SREBF1: variants seen among roughly 807,000 people sequenced by gnomAD.
The protein encoded by SREBF1 is sterol regulatory element-binding protein 1.
A neutral mutation model predicts 100.1 loss-of-function variants in SREBF1; 45 were observed. The observed-to-expected ratio is 0.45, with a 90% confidence interval of 0.35 to 0.58. SREBF1 has a LOEUF of 0.58. Among genes scored for constraint, SREBF1 ranks in the 20% least tolerant of loss-of-function variants. SREBF1 has a pLI of 0.00. For synonymous variants in SREBF1, 657 were observed against 681.8 expected (o/e 0.96, Z 0.57); for missense variants, 1,324 against 1,539.4 (o/e 0.86, Z 2.34).
Position 17,811,770 on chromosome 17 carries a change from G to T in SREBF1, c.*852C>A, listed in dbSNP as rs973462113. 4.4e-6 allele frequency: 2 copies of T among 454,672 alleles called. No homozygotes were observed. Among genetic ancestry groups the T allele is most frequent in the Non-Finnish European group, 4.4e-6 (1 of 226,238 alleles). 28.2% of individuals were successfully genotyped at this position (454,672 alleles called of 1,614,324 possible). A position where few individuals can be genotyped will look rare whatever the true frequency, so the allele number is the denominator to read the frequency against. ...GTCCTGGAAGTCAGTCCATCCTCCC[G>T]TGCCACCCAGGGACCTGATGGGGAC... On this transcript the variant is annotated 3_prime_UTR_variant, in exon 19 of 19. Transcript: ENST00000261646.
chr17:17,829,191 T>TAAAAAAAAAAAAAAAAAAA (rs1253225038), intron 1 of SREBF1, among the ~76,000 whole-genome samples: 2 of 44,964 alleles, frequency 4.4e-5, no homozygotes, highest in African/African-American at 2.4e-4. Flanking sequence ...GACTCCATCT[T>TAAAAAAAAAAAAAAAAAAA]AAAAAAAAAA....
intron 1 of SREBF1, among the ~76,000 whole-genome samples, chr17:17,825,603 CTTTTT>C (rs60178339): frequency 1.1e-5 from 1 of 92,554 alleles, no homozygotes. Context: ...TGGCCAATTT[CTTTTT>C]TTTTTTTTTT....
chr17:17,819,291 C>A (rs748527487), intron 4 of SREBF1, 29 bp downstream of exon 4: 1 of 1,613,658 alleles, frequency 6.2e-7, no homozygotes, highest in South Asian at 1.1e-5. Context: ...GTAGACCCCA[C>A]TCCCTTATGC....
At chr17:17,833,479 A>G (rs2035034942) in intron 1 of SREBF1, among the ~76,000 whole-genome samples, 1 of 145,890 alleles carries the variant, frequency 6.9e-6, no homozygotes. Flanking sequence ...ATATATACAC[A>G]CACACATACA....
In SREBF1 at chr17:17,819,674, G is replaced by T; in HGVS notation, c.575C>A (p.Ser192Tyr). ...QQPLPGLPLA[S>Y]PPGVPPVSLH... is the part of the protein sequence containing the mutation. ...GGAGACGGGCGGGACCCCTGGCGGG[G>T]AAGCCAGTGGCAGGCCAGGCAGCGG... The change falls in exon 3 of 19, where the codon TCC becomes TAC. Residue 192 changes from serine (S) to tyrosine (Y), a missense_variant. Ser to Tyr is a moderately radical substitution (Grantham distance 144). Transcript: ENST00000261646. The T allele has an allele frequency of 6.2e-7, 1 of 1,610,876 alleles. No homozygotes were observed.
chr17:17,833,074 G>C (rs187743101), intron 1 of SREBF1, among the ~76,000 whole-genome samples: 123 of 152,162 alleles, frequency 8.1e-4, no homozygotes, highest in African/African-American at 2.7e-3. Flanking sequence ...CTGTTGACAT[G>C]GAACCAAGCA....
intron 1 of SREBF1, among the ~76,000 whole-genome samples, chr17:17,821,152 T>TACACAC (rs60948138): frequency 0.34 from 51,320 of 149,326 alleles, 10,889 homozygotes; most frequent in Non-Finnish European, 0.5. Flanking sequence ...TCCACACACA[T>TACACAC]ACACACACAC....
At chr17:17,833,450 A>AAAAT (rs1567995797) in intron 1 of SREBF1, among the ~76,000 whole-genome samples, 23 of 47,502 alleles carry the variant, frequency 4.8e-4, no homozygotes, top group Non-Finnish European at 5.9e-4. Flanking sequence ...AAAAAAAAAA[A>AAAAT]ATATATATAT....
chr17:17,829,293 T>C (rs977064313), intron 1 of SREBF1, among the ~76,000 whole-genome samples: 3 of 149,642 alleles, frequency 2.0e-5, no homozygotes, highest in Non-Finnish European at 2.9e-5. Context: ...TATATATATA[T>C]TTCTCCCTCT....
At position 17,819,356 on chromosome 17, in the gene SREBF1, C is replaced by G. The variant is rs2033906223; in HGVS notation, c.810G>C (p.Leu270=). The part of the protein sequence containing the change: ...ATVKAAGLSP[L]VSGTTVQTGP... ...CTGTCTGCACAGTGGTGCCAGAGAC[C>G]AGGGGACTGAGACCTGCCGCCTTCA... Residue 270 remains leucine (L), a synonymous_variant, in exon 4 of 19, where the codon CTG becomes CTC. Transcript: ENST00000261646. 3.7e-6 allele frequency: 6 copies of G among 1,613,722 alleles called. No individual in the cohort carries two copies. Among genetic ancestry groups the G allele is most frequent in the Admixed American group, 1.7e-5 (1 of 60,012 alleles).
chr17:17,811,688 G>A lies in SREBF1; in HGVS notation c.*934C>T. ...GACCAGGGGCCGGGATGGGGGAGGT[G>A]AGACGTGCCAGACTTCTTGCAGGGA... On this transcript the variant is annotated 3_prime_UTR_variant, in exon 19 of 19. Transcript: ENST00000261646. The A allele has an allele frequency of 2.2e-6, 1 of 453,900 alleles. No homozygotes were observed. The highest frequency in any genetic ancestry group is 1.6e-5 in the South Asian group (1 of 64,256). The allele number at this position is 453,900 out of a possible 1,614,324, so 28.1% of individuals were successfully genotyped here. A position where few individuals can be genotyped will look rare whatever the true frequency, so the allele number is the denominator to read the frequency against.
intron 1 of SREBF1, among the ~76,000 whole-genome samples, chr17:17,826,642 C>T (rs1359753196): frequency 2.0e-5 from 3 of 152,230 alleles, no homozygotes; most frequent in African/African-American, 7.2e-5. Context: ...TCCTCCTCTT[C>T]CCTCTTCTTC....
At position 17,813,962 on chromosome 17, in the gene SREBF1, C is replaced by T. The variant is rs927095714; in HGVS notation, c.2902-193G>A. ...TCGGCCCCCACACCCGCCACCGGCC[C>T]GGGAGCAGCTGTCCAGCCCTCCTGA... On this transcript the variant is annotated intron_variant, in intron 16 of 18. Transcript: ENST00000261646. The T allele has an allele frequency of 9.8e-5, 68 of 696,636 alleles. No individual in the cohort carries two copies. The Admixed American group carries it at 1.0e-3, about 10-fold the overall frequency. 43.2% of individuals were successfully genotyped at this position (696,636 alleles called of 1,614,324 possible). A position where few individuals can be genotyped will look rare whatever the true frequency, so the allele number is the denominator to read the frequency against.
chr17:17,833,779 G>A (rs1291942483), intron 1 of SREBF1, among the ~76,000 whole-genome samples: 1 of 152,060 alleles, frequency 6.6e-6, no homozygotes, highest in East Asian at 1.9e-4. Context: ...GAGCTCAGGA[G>A]TTCGAGACCA....
chr17:17,812,656 C>G lies in SREBF1; in HGVS notation c.3410G>C (p.Arg1137Pro), dbSNP rs1443125749. ...LLHDCQQMLM[R>P]LGGGTTVTSS ...AGTGACAGTGGTCCCACCGCCCAGG[C>G]GCATGAGCATCTGCTGACAGTCGTG... is the stretch of plus-strand genomic sequence containing the variant. The change falls in exon 19 of 19, where the codon CGC becomes CCC. Residue 1137 changes from arginine to proline, a missense_variant. Transcript: ENST00000261646. 6.2e-7 allele frequency: 1 copy of G among 1,608,252 alleles called. No homozygotes were observed. The highest frequency in any genetic ancestry group is 1.1e-5 in the South Asian group (1 of 90,106).
chr17:17,829,759 T>C (rs536970275), intron 1 of SREBF1, among the ~76,000 whole-genome samples: 1 of 152,064 alleles, frequency 6.6e-6, no homozygotes, highest in East Asian at 1.9e-4. Context: ...ATCCTCCAGC[T>C]TTAGCCTCAG....
At chr17:17,820,999 C>T (rs2034057678) in intron 1 of SREBF1, 3 of 189,238 alleles carry the variant, frequency 1.6e-5, no homozygotes, top group Admixed American at 5.6e-5. Flanking sequence ...GCACTGCTCC[C>T]GGCTGTGAAT....
At position 17,813,458 on chromosome 17, in the gene SREBF1, C is replaced by A; in HGVS notation, c.3124G>T (p.Ala1042Ser). Residue 1042 changes from alanine (A) to serine (S), a missense_variant, in exon 18 of 19, where the codon GCC (alanine) becomes TCC (serine). Physicochemically the swap from Ala to Ser is moderately conservative, Grantham distance 99. Transcript: ENST00000261646. ...MRRVFLHEAT[A>S]RLMAGASPTR... The stretch of plus-strand genomic sequence containing the variant: ...GGGCTGGCCCCCGCCATCAGCCGGG[C>A]CGTGGCCTCATGTAGGAACACCTGG... 6.2e-7 allele frequency: 1 copy of A among 1,604,024 alleles called. No individual in the cohort carries two copies. The highest frequency in any genetic ancestry group is 8.5e-7 in the Non-Finnish European group (1 of 1,175,824).
rs2033163717 is a variant in SREBF1 at position 17,813,419 on chromosome 17, G to T, written c.3163C>A (p.Gln1055Lys). 6.2e-7 allele frequency: 1 copy of T among 1,602,754 alleles called. No individual in the cohort carries two copies. The highest frequency in any genetic ancestry group is 8.5e-7 in the Non-Finnish European group (1 of 1,175,856). The change falls in exon 18 of 19, where the codon CAG becomes AAG. Residue 1055 changes from glutamine (Q) to lysine (K), a missense_variant. By Grantham distance (53) the Gln-to-Lys change is moderately conservative. Transcript: ENST00000261646. Reference protein sequence around the residue: ...MAGASPTRTHQLLDRSLRRRA... With the variant: ...MAGASPTRTHKLLDRSLRRRA... ...CGCCTCAGACTGCGGTCGAGGAGCT[G>T]GTGTGTCCGTGTGGGGCTGGCCCCC...
Sources: gnomAD v4.1 joint callset for allele counts (sites outside exome capture counted in the v4.1 genomes callset) on GRCh38, gnomAD v4.1.1 for gene constraint, MANE v1.5 for transcripts, NCBI Gene and HGNC (gene_info 2026-07-23, HGNC 2026-07-21) for gene names.